ADRA1B: variants seen among roughly 807,000 people sequenced by gnomAD.
ADRA1B encodes the protein alpha-1B adrenergic receptor.
ADRA1B carries 17 observed loss-of-function variants against 17.9 expected under a neutral mutation model. The ratio of observed to expected loss-of-function variants is 0.95; its 90% CI spans 0.65 to 1.42. The LOEUF (loss-of-function observed/expected upper bound fraction) is 1.42, where lower values mean the gene tolerates loss of function less well. ADRA1B is among the 40% of genes most tolerant of loss of function. ADRA1B has a pLI of 0.00. For missense variants in ADRA1B, 681 were observed against 722.1 expected, an observed-to-expected ratio of 0.94 and a Z score of 0.65; for synonymous variants, 366 against 327.6, an observed-to-expected ratio of 1.12 and a Z score of -1.27.
chr5:159,880,256 T>C (rs1753849405), intron 1 of ADRA1B, among the ~76,000 whole-genome samples: 2 of 152,144 alleles, frequency 1.3e-5, no homozygotes, highest in East Asian at 3.9e-4. Flanking sequence ...GAGAGCAGCA[T>C]TTCATAAAAA....
At chr5:159,882,563 G>T (rs779112127) in intron 1 of ADRA1B, among the ~76,000 whole-genome samples, 13 of 152,156 alleles carry the variant, frequency 8.5e-5, no homozygotes, top group Admixed American at 2.0e-4. Context: ...AGAGAACAAT[G>T]ATTTCTGACA....
intron 1 of ADRA1B, among the ~76,000 whole-genome samples, chr5:159,962,315 T>TA (rs1755678995): frequency 6.6e-6 from 1 of 152,154 alleles, no homozygotes; most frequent in African/African-American, 2.4e-5. Flanking sequence ...GCTGGGGGCT[T>TA]AATAACAAAA....
At chr5:159,976,912 C>A (rs1423521497), downstream of ADRA1B, among the ~76,000 whole-genome samples, 3 of 152,162 alleles carry the variant, frequency 2.0e-5, no homozygotes, top group Admixed American at 1.3e-4. Context: ...CAAGCACTTA[C>A]CCTCTTGAGG....
chr5:159,919,076 A>G (rs1455752705), intron 1 of ADRA1B, among the ~76,000 whole-genome samples: 2 of 152,234 alleles, frequency 1.3e-5, no homozygotes, highest in Non-Finnish European at 2.9e-5. Context: ...GCAAACAGAA[A>G]GGAAGCAAAC....
chr5:159,968,204 A>G (rs912865645), intron 1 of ADRA1B, among the ~76,000 whole-genome samples: 1 of 152,198 alleles, frequency 6.6e-6, no homozygotes, highest in Non-Finnish European at 1.5e-5. Flanking sequence ...TCTTGATCCA[A>G]AAAAATGGGA....
intron 1 of ADRA1B, among the ~76,000 whole-genome samples, chr5:159,891,066 C>T (rs1056572294): frequency 9.2e-5 from 14 of 152,162 alleles, no homozygotes; most frequent in Non-Finnish European, 1.8e-4. Context: ...ACCTACCCCC[C>T]CTCTAAGATG....
chr5:159,927,381 G>GCACGCACACACACACACA (rs1754686377), intron 1 of ADRA1B, among the ~76,000 whole-genome samples: 1 of 140,636 alleles, frequency 7.1e-6, no homozygotes, highest in Non-Finnish European at 1.5e-5. Flanking sequence ...ATTAAAACAT[G>GCACGCACACACACACACA]CACACACACA....
intron 1 of ADRA1B, among the ~76,000 whole-genome samples, chr5:159,903,609 G>A (rs971583498): frequency 1.3e-5 from 2 of 152,136 alleles, no homozygotes; most frequent in African/African-American, 4.8e-5. Flanking sequence ...CTACTTTAAA[G>A]GGTAGAAATT....
intron 1 of ADRA1B, among the ~76,000 whole-genome samples, chr5:159,939,033 G>C (rs947396130): frequency 1.3e-5 from 2 of 152,184 alleles, no homozygotes; most frequent in African/African-American, 4.8e-5. Context: ...GGCATGTAAA[G>C]GTGGAAATGC....
At chr5:159,944,175 C>T (rs148692495) in intron 1 of ADRA1B, among the ~76,000 whole-genome samples, 2 of 152,180 alleles carry the variant, frequency 1.3e-5, no homozygotes, top group African/African-American at 4.8e-5. Context: ...TTTAACAAAA[C>T]TCTTCTAAAG....
At chr5:159,966,935 G>A (rs1284726611) in intron 1 of ADRA1B, among the ~76,000 whole-genome samples, 1 of 152,194 alleles carries the variant, frequency 6.6e-6, no homozygotes, top group East Asian at 1.9e-4. Flanking sequence ...CCCTTGTGGG[G>A]TGGGGAGAGA....
At chr5:159,967,859 T>C (rs1424154874) in intron 1 of ADRA1B, among the ~76,000 whole-genome samples, 1 of 152,172 alleles carries the variant, frequency 6.6e-6, no homozygotes. Context: ...GGAGGGTACA[T>C]TGTAAGAAAA....
At chr5:159,871,294 T>A (rs951661536) in intron 1 of ADRA1B, 3 of 152,200 alleles carry the variant, frequency 2.0e-5, no homozygotes, top group African/African-American at 4.8e-5. Context: ...AGGAAACAGC[T>A]CAGTGGCCCA....
At chr5:159,915,878 TGTTCA>T (rs1177725171), upstream of ADRA1B, among the ~76,000 whole-genome samples, 22 of 152,334 alleles carry the variant, frequency 1.4e-4, no homozygotes, top group Admixed American at 7.8e-4. Flanking sequence ...CCGTCTATTT[TGTTCA>T]GTTGCTATGT....
chr5:159,920,534 G>T lies in ADRA1B; in HGVS notation c.949+2680G>T, dbSNP rs150382995. ...GATGAAAACTTTCCGACTATCATGC[G>T]ACGATCTCCCAGAGATCTTCCAGTG... On this transcript the variant is annotated intron_variant, in intron 1 of 1. Transcript: ENST00000306675. Among the ~76,000 whole-genome samples the T allele has an allele frequency of 1.2e-4, 18 of 152,082 alleles. No homozygotes were observed. In the South Asian group the frequency reaches 3.3e-3, roughly 28 times the overall value.
Position 159,925,401 on chromosome 5 carries a change from C to T in ADRA1B, c.949+7547C>T, listed in dbSNP as rs994992374. Among the ~76,000 whole-genome samples, 7 of 152,178 alleles carry T rather than the reference C, an allele frequency of 4.6e-5. No homozygotes were observed. The East Asian group carries it at 5.8e-4, about 13-fold the overall frequency. On this transcript the variant is annotated intron_variant, in intron 1 of 1. Transcript: ENST00000306675. ...AACTTATTATTGGTAATGTCACATA[C>T]GGTTTTCAGATTTTTATCAAATTTG... is the stretch of plus-strand genomic sequence containing the variant.
chr5:159,928,023 A>T (rs1171980096), intron 1 of ADRA1B, among the ~76,000 whole-genome samples: 1 of 152,198 alleles, frequency 6.6e-6, no homozygotes, highest in Non-Finnish European at 1.5e-5. Context: ...TGGCTGAGCT[A>T]AGATTTGAAT....
Position 159,917,839 on chromosome 5 carries a change from A to G in ADRA1B, c.934A>G (p.Ile312Val). 2 of 1,607,578 alleles carry G rather than the reference A, an allele frequency of 1.2e-6. No homozygotes were observed. Among genetic ancestry groups the G allele is most frequent in the Non-Finnish European group, 1.7e-6 (2 of 1,177,512 alleles). Reference protein sequence around the residue: ...MFILCWLPFFIALPLGSLFST... With the variant: ...MFILCWLPFFVALPLGSLFST... ...CATCTTGTGCTGGCTACCCTTCTTC[A>G]TCGCTCTACCGCTTGGTAAGTTGGG... Residue 312 changes from isoleucine to valine, a missense_variant, in exon 1 of 2, where the codon ATC (isoleucine) becomes GTC (valine). By Grantham distance (29) the Ile-to-Val change is conservative. Around this residue, in one of 3 missense-constraint regions of ADRA1B, gnomAD observed 424 missense variants for 480.2 expected, o/e 0.88. Transcript: ENST00000306675.
In ADRA1B at chr5:159,972,067, C is replaced by G. The variant is rs1755881638; in HGVS notation, c.1138C>G (p.Arg380Gly). Residue 380 changes from arginine (R) to glycine (G), a missense_variant, in exon 2 of 2, where the codon CGC becomes GGC. By Grantham distance (125) the Arg-to-Gly change is moderately radical. This residue lies in a region of ADRA1B where 251 missense variants were observed against 224.9 expected (regional missense o/e 1.12). Coordinates refer to ENST00000306675, the MANE Select transcript of ADRA1B (RefSeq NM_000679.4). ...RGRRRRRRRR[R>G]LGGCAYTYRP... is the part of the protein sequence containing the mutation. ...CCGCCGCCGACGCCGCCGCCGCCGT[C>G]GCCTGGGCGGCTGCGCCTACACCTA... The G allele has an allele frequency of 6.9e-6, 9 of 1,304,230 alleles. No homozygotes were observed. Among genetic ancestry groups the G allele is most frequent in the Non-Finnish European group, 7.8e-6 (8 of 1,026,732 alleles). The allele number at this position is 1,304,230 out of a possible 1,614,324, so 80.8% of individuals were successfully genotyped here.
Sources: gnomAD v4.1 joint callset for allele counts (sites outside exome capture counted in the v4.1 genomes callset) on GRCh38, gnomAD v4.1.1 for gene constraint, gnomAD v4.1.1 regional missense constraint, MANE v1.5 for transcripts, NCBI Gene and HGNC (gene_info 2026-07-23, HGNC 2026-07-21) for gene names.